GPC3: variants seen among roughly 807,000 people sequenced by gnomAD.
GPC3 encodes the protein glypican 3, also known as glypican-3.
A neutral mutation model predicts 34.4 loss-of-function variants in GPC3; 3 were observed. That is an observed-to-expected ratio of 0.09 (90% CI 0.04 to 0.23). The LOEUF is 0.23. Among genes scored for constraint, GPC3 ranks in the 10% least tolerant of loss-of-function variants. GPC3 has a pLI of 1.00. For missense variants in GPC3, 351 were observed against 445.6 expected (o/e 0.79, Z 1.91); for synonymous variants, 177 against 174.0 (o/e 1.02, Z -0.13).
At chrX:133,798,196 A>G (rs1295529873) in intron 2 of GPC3, among the ~76,000 whole-genome samples, 1 of 111,754 alleles carries the variant, frequency 8.9e-6, no homozygotes, top group Non-Finnish European at 1.9e-5. Flanking sequence ...AAAAGATCAG[A>G]GTGTAAATAA....
chrX:133,594,162 C>T (rs756503297), intron 7 of GPC3, among the ~76,000 whole-genome samples: 6 of 111,594 alleles, frequency 5.4e-5, no homozygotes, highest in Admixed American at 9.5e-5. Context: ...AAGAAAGAAT[C>T]GACAGGGATT....
chrX:133,818,424 T>C (rs935581524), intron 2 of GPC3, among the ~76,000 whole-genome samples: 1 of 111,660 alleles, frequency 9.0e-6, no homozygotes, highest in Admixed American at 9.5e-5. Context: ...TGAAATGAGC[T>C]GAGAATGGAG....
chrX:133,922,745 C>A (rs1292767158), intron 2 of GPC3, among the ~76,000 whole-genome samples: 1 of 108,764 alleles, frequency 9.2e-6, no homozygotes, highest in Admixed American at 9.9e-5. Context: ...GGTTGTGCAA[C>A]TTCCTCTGGA....
At chrX:133,585,033 T>G (rs147765514) in intron 7 of GPC3, among the ~76,000 whole-genome samples, 134 of 111,519 alleles carry the variant, frequency 1.2e-3, no homozygotes, top group African/African-American at 4.2e-3. Context: ...AAACATCTTT[T>G]AGGCAGGTGT....
chrX:133,649,268 ATGTGTG>A lies in GPC3; in HGVS notation c.1413+12456_1413+12461del, dbSNP rs201681195. On this transcript the variant is annotated intron_variant, in intron 6 of 7. Transcript: ENST00000370818. ...TAATAAATGACGAGGATATATATAT[ATGTGTG>A]TGTGTGTGTGTGTGTGTGTGTATTT... is the stretch of plus-strand genomic sequence containing the variant. Among the ~76,000 whole-genome samples the A allele has an allele frequency of 8.8e-3, 920 of 104,095 alleles. 15 individuals carry two copies. The highest frequency in any genetic ancestry group is 0.029 in the African/African-American group (834 of 28,508). The allele number at this position is 104,095 out of a possible 115,157, so 90.4% of individuals were successfully genotyped here. A position where few individuals can be genotyped will look rare whatever the true frequency, so the allele number is the denominator to read the frequency against.
intron 6 of GPC3, among the ~76,000 whole-genome samples, chrX:133,650,462 CACACACACA>C (rs2070590823): frequency 2.8e-5 from 3 of 105,836 alleles, no homozygotes; most frequent in African/African-American, 1.1e-4. Context: ...CCCACCCACA[CACACACACA>C]CACACACACA....
At chrX:133,979,444 AT>A (rs1171162761) in intron 1 of GPC3, among the ~76,000 whole-genome samples, 1 of 112,027 alleles carries the variant, frequency 8.9e-6, no homozygotes, top group Non-Finnish European at 1.9e-5. Context: ...GCAAACAAGT[AT>A]TTCTAATAAT....
chrX:133,761,105 T>C (rs1455418088), intron 2 of GPC3, among the ~76,000 whole-genome samples: 1 of 110,836 alleles, frequency 9.0e-6, no homozygotes, highest in Admixed American at 9.6e-5. Flanking sequence ...ATTTAGGGAG[T>C]TTTCACATAC....
chrX:133,785,788 C>T (rs2072094892), intron 2 of GPC3, among the ~76,000 whole-genome samples: 1 of 111,876 alleles, frequency 8.9e-6, no homozygotes, highest in Non-Finnish European at 1.9e-5. Flanking sequence ...AAGCTCTAGC[C>T]ACAGATTAAT....
chrX:133,900,227 G>GT (rs766355512), intron 2 of GPC3, among the ~76,000 whole-genome samples: 2 of 112,654 alleles, frequency 1.8e-5, no homozygotes, highest in Non-Finnish European at 3.7e-5. Context: ...AGATCCCTTT[G>GT]TTTTTTGGCA....
intron 2 of GPC3, among the ~76,000 whole-genome samples, chrX:133,798,928 TGGACACCAGCA>T (rs2075595461): frequency 8.9e-6 from 1 of 112,101 alleles, no homozygotes; most frequent in Non-Finnish European, 1.9e-5. Flanking sequence ...TAAAGTAGCA[TGGACACCAGCA>T]GGACCACCTT....
chrX:133,753,842 T>C lies in GPC3; in HGVS notation c.672A>G (p.Gln224=), dbSNP rs373406834. The part of the protein sequence containing the change: ...LIMTQVSKSL[Q]VTRIFLQALN... Reference sequence around the variant, plus strand: ...GAGCCTGAAGGAAGATCCTAGTGACTTGCAGTGACTTGGAAACCTGGGTCA... The same window carrying C: ...GAGCCTGAAGGAAGATCCTAGTGACCTGCAGTGACTTGGAAACCTGGGTCA... The change falls in exon 3 of 8, where the codon CAA becomes CAG. Residue 224 remains glutamine (Q), a synonymous_variant. Transcript: ENST00000370818. 9.1e-6 allele frequency: 11 copies of C among 1,209,418 alleles called. No individual in the cohort carries two copies. The African/African-American group carries it at 1.2e-4, about 13-fold the overall frequency.
chrX:133,625,390 A>G (rs989736521), intron 6 of GPC3, among the ~76,000 whole-genome samples: 1 of 112,201 alleles, frequency 8.9e-6, no homozygotes, highest in Non-Finnish European at 1.9e-5. Context: ...CTGTTTGCAG[A>G]TGACATGATT....
At chrX:133,770,904 C>T (rs761727525) in intron 2 of GPC3, among the ~76,000 whole-genome samples, 10 of 111,567 alleles carry the variant, frequency 9.0e-5, no homozygotes, top group Non-Finnish European at 1.5e-4. Context: ...TTTCTTTCCT[C>T]GTAACTCCCC....
At chrX:133,715,923 G>A (rs763176346) in intron 3 of GPC3, among the ~76,000 whole-genome samples, 16 of 111,227 alleles carry the variant, frequency 1.4e-4, no homozygotes, top group Non-Finnish European at 3.0e-4. Flanking sequence ...CTAAGGCAGG[G>A]TCTTCAACTG....
chrX:133,943,412 C>A, intron 2 of GPC3, among the ~76,000 whole-genome samples: 1 of 112,400 alleles, frequency 8.9e-6, no homozygotes, highest in Non-Finnish European at 1.9e-5. Flanking sequence ...GATGCACTAG[C>A]AACAATATTG....
chrX:133,840,311 T>G (rs541559785), intron 2 of GPC3, among the ~76,000 whole-genome samples: 1 of 111,209 alleles, frequency 9.0e-6, no homozygotes, highest in East Asian at 2.8e-4. Context: ...ATTATATCCT[T>G]TAAGAAGGTA....
chrX:133,897,842 G>C (rs1467003952), intron 2 of GPC3, among the ~76,000 whole-genome samples: 1 of 111,863 alleles, frequency 8.9e-6, no homozygotes, highest in Admixed American at 9.5e-5. Flanking sequence ...GAAACACTAA[G>C]TGGTACCCTC....
intron 2 of GPC3, among the ~76,000 whole-genome samples, chrX:133,939,657 T>C (rs1569457138): frequency 8.9e-6 from 1 of 112,229 alleles, no homozygotes; most frequent in Non-Finnish European, 1.9e-5. Context: ...GCTTAACTGC[T>C]TTCCTTTCAT....
Sources: gnomAD v4.1 joint callset for allele counts (sites outside exome capture counted in the v4.1 genomes callset) on GRCh38, gnomAD v4.1.1 for gene constraint, MANE v1.5 for transcripts, NCBI Gene and HGNC (gene_info 2026-07-23, HGNC 2026-07-21) for gene names.